MXRA7: variants seen among roughly 807,000 people sequenced by gnomAD.
The protein encoded by MXRA7 is matrix-remodeling-associated protein 7.
Under a neutral mutation model 17.4 loss-of-function variants are expected in MXRA7, and 18 were observed. The observed-to-expected ratio is 1.03, with a 90% CI of 0.71 to 1.53. MXRA7 has a LOEUF of 1.53. Ranked by LOEUF, MXRA7 falls within the 40% of genes most tolerant of loss-of-function variation. The probability of loss-of-function intolerance (pLI) is 0.00; values close to 1 mark genes in which losing one functional copy is unlikely to be tolerated. For missense variants in MXRA7, 141 were observed against 209.3 expected (o/e 0.67, Z 2.01); for synonymous variants, 70 against 101.7 (o/e 0.69, Z 1.87).
intron 1 of MXRA7, among the ~76,000 whole-genome samples, chr17:76,708,142 G>A (rs752647947): frequency 6.6e-6 from 1 of 152,216 alleles, no homozygotes; most frequent in Non-Finnish European, 1.5e-5. Flanking sequence ...ACTAGGGGAC[G>A]CTCCTGAGCG....
At chr17:76,685,195 G>A in intron 2 of MXRA7, 30 bp from the exon 3 acceptor site, 1 of 1,551,694 alleles carries the variant, frequency 6.4e-7, no homozygotes, top group Non-Finnish European at 8.9e-7. Flanking sequence ...TAAGTGCCAG[G>A]AGTGCTGTAG....
At chr17:76,685,021 C>G (rs1417769168) in intron 3 of MXRA7, 51 bp downstream of exon 3, 2 of 1,473,400 alleles carry the variant, frequency 1.4e-6, no homozygotes, top group Admixed American at 1.7e-5. Context: ...CAGAGGGGCA[C>G]CCCCCTCCCC....
chr17:76,682,520 A>G (rs1241111248), intron 3 of MXRA7, among the ~76,000 whole-genome samples: 1 of 151,874 alleles, frequency 6.6e-6, no homozygotes, highest in Non-Finnish European at 1.5e-5. Context: ...AGCGCTCCCC[A>G]CCCCCATGAG....
rs775647114 is a variant in MXRA7 at position 76,688,292 on chromosome 17, C to T, written c.343-116G>A. The stretch of plus-strand genomic sequence containing the variant: ...CCTCGAAGGTCCAGCCTGCCCACGC[C>T]CTGTGGCAGCGCCTGCCCTGTGGTC... On this transcript the variant is annotated intron_variant, in intron 1 of 3. Transcript: ENST00000449428. The T allele has an allele frequency of 3.3e-6, 5 of 1,513,708 alleles. No individual in the cohort carries two copies. The African/African-American group carries it at 6.8e-5, about 21-fold the overall frequency. The allele number at this position is 1,513,708 out of a possible 1,614,324, so 93.8% of individuals were successfully genotyped here. A position where few individuals can be genotyped will look rare whatever the true frequency, so the allele number is the denominator to read the frequency against.
intron 1 of MXRA7, 119 bp downstream of exon 1, chr17:76,710,486 G>C: frequency 1.1e-6 from 1 of 871,030 alleles, no homozygotes; most frequent in Non-Finnish European, 1.5e-6. Context: ...CGGGTTCTGC[G>C]CTTCCTGGGG....
At chr17:76,691,263 A>T (rs1302583884) in intron 1 of MXRA7, among the ~76,000 whole-genome samples, 2 of 152,134 alleles carry the variant, frequency 1.3e-5, no homozygotes, top group Non-Finnish European at 2.9e-5. Flanking sequence ...CCCCAACTCC[A>T]TGGGGACGGA....
At chr17:76,700,029 G>A (rs977024961) in intron 1 of MXRA7, among the ~76,000 whole-genome samples, 2 of 152,026 alleles carry the variant, frequency 1.3e-5, no homozygotes, top group Non-Finnish European at 2.9e-5. Flanking sequence ...GCACAATCTC[G>A]GCTCACTGCA....
At chr17:76,697,420 A>G (rs1467484789) in intron 1 of MXRA7, among the ~76,000 whole-genome samples, 1 of 152,198 alleles carries the variant, frequency 6.6e-6, no homozygotes, top group East Asian at 1.9e-4. Context: ...TTGTTATAGC[A>G]GCCCTGGCAA....
In MXRA7 at chr17:76,707,700, C is replaced by T. The variant is rs867427590; in HGVS notation, c.342+2905G>A. 2.1e-4 allele frequency among the ~76,000 whole-genome samples: 32 copies of T among 152,284 alleles called. No individual in the cohort carries two copies. The Middle Eastern group carries it at 0.01, about 49-fold the overall frequency. Reference sequence around the variant, plus strand: ...TAACTCTAGTGCTATTCAAATGACCCTTGACGCTTTGCCAATTACCAATGT... The same window carrying T: ...TAACTCTAGTGCTATTCAAATGACCTTTGACGCTTTGCCAATTACCAATGT... On this transcript the variant is annotated intron_variant, in intron 1 of 3. Coordinates refer to ENST00000449428, the MANE Select transcript of MXRA7 (RefSeq NM_198530.4).
Position 76,681,067 on chromosome 17 carries a change from G to A in MXRA7, c.501-188C>T, listed in dbSNP as rs1014352410. ...CGCTTGCAGCAAGACAGTCTGTGCC[G>A]CCAAGCCGGCCAGAGCTTGCAGAGC... On this transcript the variant is annotated intron_variant, in intron 3 of 3. Coordinates refer to ENST00000449428, the MANE Select transcript of MXRA7 (RefSeq NM_198530.4). The surrounding 1 kb of genome is among the most constrained non-coding windows in gnomAD (Gnocchi z 4.7). Among the ~76,000 whole-genome samples, 2 of 152,142 alleles carry A rather than the reference G, an allele frequency of 1.3e-5. No individual in the cohort carries two copies. The highest frequency in any genetic ancestry group is 4.8e-5 in the African/African-American group (2 of 41,430).
At chr17:76,707,037 C>T (rs2076670280) in intron 1 of MXRA7, among the ~76,000 whole-genome samples, 1 of 152,152 alleles carries the variant, frequency 6.6e-6, no homozygotes, top group African/African-American at 2.4e-5. Flanking sequence ...TTTACACAGC[C>T]ATCTGCCGGT....
chr17:76,688,011 C>CCACCCCACCG, intron 2 of MXRA7, 102 bp downstream of exon 2: 1 of 923,836 alleles, frequency 1.1e-6, no homozygotes, highest in Non-Finnish European at 1.7e-6. Context: ...CCACCCCATC[C>CCACCCCACCG]CTCCCCTCGG....
Position 76,679,567 on chromosome 17 carries a change from A to G in MXRA7, c.*1300T>C. 1.0e-6 allele frequency: 1 copy of G among 975,466 alleles called. No individual in the cohort carries two copies. Among genetic ancestry groups the G allele is most frequent in the Non-Finnish European group, 1.2e-6 (1 of 821,048 alleles). 60.4% of individuals were successfully genotyped at this position (975,466 alleles called of 1,614,324 possible). On this transcript the variant is annotated 3_prime_UTR_variant, in exon 4 of 4. Transcript: ENST00000449428. ...AAAGCAAACTGAAAAAACACACAGT[A>G]ATTGAGATCATCTACTCAAAGTTTA...
chr17:76,688,357 G>A lies in MXRA7; in HGVS notation c.343-181C>T, dbSNP rs188871607. 2,713 of 1,438,692 alleles carry A rather than the reference G, an allele frequency of 1.9e-3. 3 individuals carry two copies. Among genetic ancestry groups the A allele is most frequent in the Admixed American group, 3.4e-3 (121 of 35,856 alleles). The allele number at this position is 1,438,692 out of a possible 1,614,324, so 89.1% of individuals were successfully genotyped here. Reference sequence around the variant, plus strand: ...GGTGGGGGCTGTGTACAAACGATGGGCCAAAGTGACTCGGCTCACAAATGC... The same window carrying A: ...GGTGGGGGCTGTGTACAAACGATGGACCAAAGTGACTCGGCTCACAAATGC... On this transcript the variant is annotated intron_variant, in intron 1 of 3. Coordinates refer to ENST00000449428, the MANE Select transcript of MXRA7 (RefSeq NM_198530.4).
chr17:76,691,932 A>G (rs2034841204), intron 1 of MXRA7, among the ~76,000 whole-genome samples: 1 of 152,216 alleles, frequency 6.6e-6, no homozygotes, highest in South Asian at 2.1e-4. Flanking sequence ...TCCAGTAGGA[A>G]AGACAAACAA....
rs1045141238 is a variant in MXRA7 at position 76,685,281 on chromosome 17, TATCA to T, written c.407-120_407-117del. 19 of 733,580 alleles carry T rather than the reference TATCA, an allele frequency of 2.6e-5. No individual in the cohort carries two copies. In the African/African-American group the frequency reaches 3.0e-4, roughly 12 times the overall value. The allele number at this position is 733,580 out of a possible 1,614,324, so 45.4% of individuals were successfully genotyped here. ...ACCTCAAGCAGAGGCCACATCTGGC[TATCA>T]GAGACATCTCACCCCAGCGCCTATA... On this transcript the variant is annotated intron_variant, in intron 2 of 3. Transcript: ENST00000449428.
chr17:76,685,563 TC>T (rs1445387589), intron 2 of MXRA7, among the ~76,000 whole-genome samples: 1 of 152,056 alleles, frequency 6.6e-6, no homozygotes, highest in East Asian at 1.9e-4. Flanking sequence ...GCTTGTGTCA[TC>T]CCCCCACCCC....
chr17:76,691,182 G>A (rs568972307), intron 1 of MXRA7, among the ~76,000 whole-genome samples: 241 of 152,278 alleles, frequency 1.6e-3, no homozygotes, highest in African/African-American at 5.5e-3. Context: ...TGAGGCCTCC[G>A]TCAACATCCC....
intron 1 of MXRA7, among the ~76,000 whole-genome samples, chr17:76,700,458 C>T (rs767305200): frequency 5.9e-5 from 9 of 152,168 alleles, no homozygotes; most frequent in East Asian, 1.9e-4. Context: ...CATAACAGCA[C>T]GAGGGCAAGA....
Sources: gnomAD v4.1 joint callset for allele counts (sites outside exome capture counted in the v4.1 genomes callset) on GRCh38, gnomAD v4.1.1 for gene constraint, Gnocchi (gnomAD v3.1) non-coding constraint, MANE v1.5 for transcripts, NCBI Gene and HGNC (gene_info 2026-07-23, HGNC 2026-07-21) for gene names.